DOCK3: variants seen among roughly 807,000 people sequenced by gnomAD.
DOCK3 encodes the protein dedicator of cytokinesis 3.
A neutral mutation model predicts 265.6 loss-of-function variants in DOCK3; 60 were observed. That is an observed-to-expected ratio of 0.23 (90% CI 0.18 to 0.28). The LOEUF (loss-of-function observed/expected upper bound fraction) is 0.28, where lower values mean the gene tolerates loss of function less well. Ranked by LOEUF, DOCK3 falls within the 10% of genes least tolerant of loss-of-function variation. DOCK3 has a pLI of 1.00. For synonymous variants in DOCK3, 881 were observed against 938.0 expected, an observed-to-expected ratio of 0.94 and a Z score of 1.11; for missense variants, 1,981 against 2,594.3, an observed-to-expected ratio of 0.76 and a Z score of 5.14.
At chr3:50,823,147 A>T (rs2044543126) in intron 2 of DOCK3, among the ~76,000 whole-genome samples, 1 of 151,730 alleles carries the variant, frequency 6.6e-6, no homozygotes, top group Non-Finnish European at 1.5e-5. Flanking sequence ...TTTTATTTTT[A>T]TTTTATTTAT....
intron 2 of DOCK3, among the ~76,000 whole-genome samples, chr3:50,794,984 G>A (rs527796870): frequency 2.6e-4 from 40 of 152,090 alleles, no homozygotes; most frequent in Non-Finnish European, 4.1e-4. Context: ...TTGTTGGCTT[G>A]TGAAGCTCAG....
At chr3:51,033,298 A>G (rs1330329278) in intron 5 of DOCK3, among the ~76,000 whole-genome samples, 1 of 152,230 alleles carries the variant, frequency 6.6e-6, no homozygotes, top group Non-Finnish European at 1.5e-5. Flanking sequence ...CATAATAAGC[A>G]GATGTTACTT....
At chr3:50,860,421 G>A (rs1416209207) in intron 3 of DOCK3, among the ~76,000 whole-genome samples, 13 of 152,156 alleles carry the variant, frequency 8.5e-5, no homozygotes, top group African/African-American at 2.7e-4. Flanking sequence ...GACTTACCCA[G>A]TGAGGAGATA....
intron 3 of DOCK3, among the ~76,000 whole-genome samples, chr3:50,862,067 A>G (rs1388175416): frequency 1.3e-5 from 2 of 151,780 alleles, no homozygotes; most frequent in Non-Finnish European, 2.9e-5. Flanking sequence ...GGTATCTTTC[A>G]TTTTCATCTT....
intron 1 of DOCK3, among the ~76,000 whole-genome samples, chr3:50,676,524 C>T (rs1171658851): frequency 6.6e-6 from 1 of 152,170 alleles, no homozygotes; most frequent in Non-Finnish European, 1.5e-5. Flanking sequence ...GGACATTTTA[C>T]CCCTTCTCTT....
intron 6 of DOCK3, among the ~76,000 whole-genome samples, chr3:51,069,842 G>T (rs1374953871): frequency 1.3e-5 from 2 of 152,144 alleles, no homozygotes; most frequent in African/African-American, 4.8e-5. Context: ...TTTTTAGCCA[G>T]GATCTAGAAA....
At chr3:51,012,208 C>T (rs2078980067) in intron 5 of DOCK3, among the ~76,000 whole-genome samples, 1 of 152,156 alleles carries the variant, frequency 6.6e-6, no homozygotes, top group Admixed American at 6.5e-5. Flanking sequence ...TTCAGCTATG[C>T]CCTGCCCAAT....
chr3:51,152,154 T>A (rs998186195), intron 10 of DOCK3, among the ~76,000 whole-genome samples: 3 of 152,198 alleles, frequency 2.0e-5, no homozygotes, highest in Non-Finnish European at 4.4e-5. Context: ...GATTTGGTCT[T>A]TTCACATAGT....
intron 2 of DOCK3, among the ~76,000 whole-genome samples, chr3:50,832,249 C>T (rs2045223625): frequency 6.6e-6 from 1 of 152,036 alleles, no homozygotes; most frequent in Non-Finnish European, 1.5e-5. Context: ...GAACTAAAAC[C>T]ATAAAAATCC....
intron 5 of DOCK3, among the ~76,000 whole-genome samples, chr3:51,034,167 G>C (rs1271115173): frequency 6.6e-6 from 1 of 152,012 alleles, no homozygotes; most frequent in Non-Finnish European, 1.5e-5. Flanking sequence ...TGAATTTTTT[G>C]AGTTCGTATT....
At chr3:51,365,993 T>C (rs954015051) in intron 49 of DOCK3, among the ~76,000 whole-genome samples, 90 of 152,246 alleles carry the variant, frequency 5.9e-4, no homozygotes, top group African/African-American at 2.0e-3. Context: ...AGGATGATGT[T>C]GGCCTCATAA....
At chr3:50,816,368 C>T (rs891033888) in intron 2 of DOCK3, among the ~76,000 whole-genome samples, 1 of 137,890 alleles carries the variant, frequency 7.3e-6, no homozygotes, top group East Asian at 2.1e-4. Context: ...GTCACCCAGG[C>T]TGGCGTGCAA....
chr3:50,874,040 G>GTGTTTTTTTTTTTTTCTTTTCTTT (rs1348686891), intron 3 of DOCK3, among the ~76,000 whole-genome samples: 1 of 144,414 alleles, frequency 6.9e-6, no homozygotes, highest in Non-Finnish European at 1.5e-5. Flanking sequence ...TTTCATGAAG[G>GTGTTTTTTTTTTTTTCTTTTCTTT]TGTTTTTTTT....
chr3:51,332,191 A>G (rs1336506314), intron 33 of DOCK3, among the ~76,000 whole-genome samples: 5 of 152,180 alleles, frequency 3.3e-5, no homozygotes, highest in East Asian at 1.9e-4. Flanking sequence ...AGAGCAAGGA[A>G]TAGTGTGGAA....
At chr3:51,302,814 G>A (rs2082428936) in intron 27 of DOCK3, among the ~76,000 whole-genome samples, 1 of 152,146 alleles carries the variant, frequency 6.6e-6, no homozygotes, top group African/African-American at 2.4e-5. Context: ...GCTTCCCTTT[G>A]TAGGTGACCT....
chr3:50,736,190 G>C (rs1049964661), intron 1 of DOCK3, among the ~76,000 whole-genome samples: 3 of 152,050 alleles, frequency 2.0e-5, no homozygotes, highest in Non-Finnish European at 2.9e-5. Flanking sequence ...TGAGAATGAT[G>C]GTTTCCAGCT....
chr3:51,126,730 G>A (rs2084282330), intron 9 of DOCK3, among the ~76,000 whole-genome samples: 1 of 152,102 alleles, frequency 6.6e-6, no homozygotes, highest in South Asian at 2.1e-4. Flanking sequence ...ACCACATTAA[G>A]CTACCATTTA....
At chr3:50,902,809 C>A (rs538869476) in intron 4 of DOCK3, among the ~76,000 whole-genome samples, 1 of 152,172 alleles carries the variant, frequency 6.6e-6, no homozygotes, top group Non-Finnish European at 1.5e-5. Context: ...TATCCATGAG[C>A]GTGGCATATT....
At chr3:51,355,939 C>T (rs2110271952) in intron 41 of DOCK3, 150 bp from the exon 42 acceptor site, 1 of 876,302 alleles carries the variant, frequency 1.1e-6, no homozygotes, top group East Asian at 2.5e-5. Context: ...TGGGTCTGAT[C>T]TGCCCCTAGA....
Sources: allele counts gnomAD v4.1 joint callset (sites outside exome capture counted in the v4.1 genomes callset), GRCh38; gene constraint gnomAD v4.1.1; transcripts MANE v1.5; gene names NCBI Gene and HGNC (gene_info 2026-07-23, HGNC 2026-07-21).